FAM135B: variants seen among roughly 807,000 people sequenced by gnomAD.
The protein encoded by FAM135B is family with sequence similarity 135 member B.
A neutral mutation model predicts 127.7 loss-of-function variants in FAM135B; 43 were observed. The observed-to-expected ratio is 0.34, with a 90% CI of 0.26 to 0.43. The LOEUF is 0.43. Among genes scored for constraint, FAM135B ranks in the 20% least tolerant of loss-of-function variants. The pLI, the probability that FAM135B is intolerant of heterozygous loss-of-function variation, is 1.00. For synonymous variants in FAM135B, 670 were observed against 665.1 expected, an observed-to-expected ratio of 1.01 and a Z score of -0.11; for missense variants, 1,558 against 1,725.6, an observed-to-expected ratio of 0.90 and a Z score of 1.72.
At chr8:138,301,511 C>T (rs1825885817) in intron 3 of FAM135B, among the ~76,000 whole-genome samples, 1 of 152,106 alleles carries the variant, frequency 6.6e-6, no homozygotes, top group Admixed American at 6.6e-5. Flanking sequence ...AACGGCATGA[C>T]ATTCAGCTTT....
chr8:138,307,162 C>G (rs1305151064), intron 3 of FAM135B, among the ~76,000 whole-genome samples: 2 of 152,162 alleles, frequency 1.3e-5, no homozygotes, highest in Non-Finnish European at 2.9e-5. Context: ...GTAACTGAAT[C>G]ATGGAGGCAA....
intron 1 of FAM135B, among the ~76,000 whole-genome samples, chr8:138,431,588 C>T (rs1039232945): frequency 6.6e-6 from 1 of 152,230 alleles, no homozygotes; most frequent in African/African-American, 2.4e-5. Context: ...CAACAGATCA[C>T]ATGGCCTGCA....
chr8:138,433,566 TA>T (rs1554691977), intron 1 of FAM135B, among the ~76,000 whole-genome samples: 1 of 145,856 alleles, frequency 6.9e-6, no homozygotes, highest in Non-Finnish European at 1.5e-5. Flanking sequence ...AATAAATAAA[TA>T]AAATAATTTT....
chr8:138,257,890 A>AAT (rs918618996), intron 4 of FAM135B, among the ~76,000 whole-genome samples: 3 of 142,236 alleles, frequency 2.1e-5, no homozygotes, highest in South Asian at 2.2e-4. Flanking sequence ...AAAAATAAAA[A>AAT]AAAAAATAAA....
At chr8:138,407,854 A>C (rs1833613794) in intron 1 of FAM135B, among the ~76,000 whole-genome samples, 1 of 152,190 alleles carries the variant, frequency 6.6e-6, no homozygotes, top group South Asian at 2.1e-4. Context: ...ATGGGCAAGG[A>C]CTTCATGTCT....
chr8:138,142,452 C>A (rs1048507010), intron 16 of FAM135B, among the ~76,000 whole-genome samples: 2 of 151,648 alleles, frequency 1.3e-5, no homozygotes, highest in African/African-American at 4.8e-5. Context: ...TGCAGGTGCC[C>A]GCCACCACTC....
chr8:138,200,766 T>C (rs1817056821), intron 7 of FAM135B, among the ~76,000 whole-genome samples: 2 of 152,246 alleles, frequency 1.3e-5, no homozygotes, highest in African/African-American at 4.8e-5. Flanking sequence ...AGTTGGAGAA[T>C]GCTCTGGACA....
chr8:138,253,669 T>C (rs1821869795), intron 5 of FAM135B, among the ~76,000 whole-genome samples: 1 of 152,188 alleles, frequency 6.6e-6, no homozygotes, highest in Admixed American at 6.5e-5. Flanking sequence ...TCTCTGGGCA[T>C]GGCCACATGT....
intron 12 of FAM135B, among the ~76,000 whole-genome samples, chr8:138,158,308 G>T (rs1391638381): frequency 6.6e-6 from 1 of 152,106 alleles, no homozygotes; most frequent in Non-Finnish European, 1.5e-5. Context: ...ATTCAAGATG[G>T]ATTAAAGACT....
At chr8:138,205,902 A>C (rs1436707954) in intron 7 of FAM135B, among the ~76,000 whole-genome samples, 1 of 151,616 alleles carries the variant, frequency 6.6e-6, no homozygotes, top group Non-Finnish European at 1.5e-5. Context: ...TCATGTTCTG[A>C]CCCAGGTATC....
chr8:138,324,012 A>G (rs1181104434), intron 2 of FAM135B, among the ~76,000 whole-genome samples: 1 of 152,242 alleles, frequency 6.6e-6, no homozygotes, highest in Non-Finnish European at 1.5e-5. Flanking sequence ...GTGACAGGAA[A>G]GCACTTCTTT....
chr8:138,469,892 G>T (rs1837583759), intron 1 of FAM135B, among the ~76,000 whole-genome samples: 1 of 152,134 alleles, frequency 6.6e-6, no homozygotes, highest in Non-Finnish European at 1.5e-5. Context: ...TAAATGCAAG[G>T]CAACTAGCAC....
chr8:138,309,476 A>G (rs984410970), intron 3 of FAM135B, among the ~76,000 whole-genome samples: 9 of 152,216 alleles, frequency 5.9e-5, no homozygotes, highest in Non-Finnish European at 1.3e-4. Flanking sequence ...GCCAGTGGCC[A>G]TCAGTGTCTT....
At chr8:138,389,737 G>T (rs1390540386) in intron 1 of FAM135B, among the ~76,000 whole-genome samples, 2 of 152,202 alleles carry the variant, frequency 1.3e-5, no homozygotes, top group East Asian at 1.9e-4. Flanking sequence ...CTGCATAGTG[G>T]TGATAGTTGG....
intron 19 of FAM135B, among the ~76,000 whole-genome samples, chr8:138,134,507 C>T (rs571884475): frequency 6.6e-6 from 1 of 152,044 alleles, no homozygotes; most frequent in Non-Finnish European, 1.5e-5. Context: ...ACATTTATAG[C>T]AAACTCTTAT....
chr8:138,241,064 C>T lies in FAM135B; in HGVS notation c.669+1878G>A, dbSNP rs561023973. On this transcript the variant is annotated intron_variant, in intron 7 of 19. Transcript: ENST00000395297. This position sits in a 1 kb window ranked among gnomAD's most constrained non-coding sequence, Gnocchi z 4.8. ...CTCTGGGTGCCAGCCCACGTGGGGG[C>T]TGAAGGAAGGAAGACTGGACATAGG... Among the ~76,000 whole-genome samples the T allele has an allele frequency of 1.3e-5, 2 of 151,994 alleles. No individual in the cohort carries two copies. Among genetic ancestry groups the T allele is most frequent in the African/African-American group, 2.4e-5 (1 of 41,316 alleles).
At chr8:138,267,692 C>T (rs1376376689) in intron 3 of FAM135B, among the ~76,000 whole-genome samples, 1 of 152,036 alleles carries the variant, frequency 6.6e-6, no homozygotes, top group Admixed American at 6.6e-5. Flanking sequence ...CCTCCCAATG[C>T]AGTCACATCT....
rs908072553 is a variant in FAM135B at position 138,266,968 on chromosome 8, T to C, written c.158-1126A>G. Reference sequence around the variant, plus strand: ...TTTCAATTGTGGTTACTTTCCTTAATTATCATAACAAACCCATAAGGTAAA... The same window carrying C: ...TTTCAATTGTGGTTACTTTCCTTAACTATCATAACAAACCCATAAGGTAAA... On this transcript the variant is annotated intron_variant, in intron 3 of 19. Coordinates refer to ENST00000395297, the MANE Select transcript of FAM135B (RefSeq NM_015912.4). Among the ~76,000 whole-genome samples, 11 of 152,290 alleles carry C rather than the reference T, an allele frequency of 7.2e-5. 1 individual carries two copies. Among genetic ancestry groups the C allele is most frequent in the Admixed American group, 1.3e-4 (2 of 15,286 alleles).
chr8:138,495,596 A>G (rs1815359940), intron 1 of FAM135B, among the ~76,000 whole-genome samples: 1 of 152,166 alleles, frequency 6.6e-6, no homozygotes, highest in Admixed American at 6.5e-5. Flanking sequence ...TATCCTGGAT[A>G]TTATTCAGAG....
Sources: allele counts gnomAD v4.1 joint callset (sites outside exome capture counted in the v4.1 genomes callset), GRCh38; gene constraint gnomAD v4.1.1; non-coding constraint Gnocchi (gnomAD v3.1); transcripts MANE v1.5; gene names NCBI Gene and HGNC (gene_info 2026-07-23, HGNC 2026-07-21).